The following CPLANE1 variants were observed in gnomAD, a reference collection of about 807,000 sequenced individuals.
CPLANE1 encodes ciliogenesis and planar polarity effector 1.
In CPLANE1, 263 loss-of-function variants were observed where a neutral mutation model predicts 362.5. The observed-to-expected ratio is 0.73, with a 90% CI of 0.66 to 0.80. The LOEUF is 0.80. Among genes scored for constraint, CPLANE1 ranks in the 30% least tolerant of loss-of-function variants. The pLI is 0.00. For missense variants in CPLANE1, 3,461 were observed against 3,793.4 expected, an observed-to-expected ratio of 0.91 and a Z score of 2.30; for synonymous variants, 1,212 against 1,302.6, an observed-to-expected ratio of 0.93 and a Z score of 1.50.
rs1773543333 is a variant in CPLANE1 at position 37,151,463 on chromosome 5, C to T, written c.8373+2277G>A. Among the ~76,000 whole-genome samples the T allele has an allele frequency of 2.0e-5, 3 of 152,276 alleles. No homozygotes were observed. The South Asian group carries it at 6.2e-4, about 32-fold the overall frequency. On this transcript the variant is annotated intron_variant, in intron 42 of 52. Transcript: ENST00000651892. ...ATTTTACACTCCTTGAGAGTAGGTA[C>T]TATGCCTTATTTATCTTTCTATTCC...
At chr5:37,140,617 C>T (rs990941416) in intron 44 of CPLANE1, 9 of 985,114 alleles carry the variant, frequency 9.1e-6, no homozygotes, top group Middle Eastern at 5.2e-4. Flanking sequence ...GGCCTATTCA[C>T]GAAAAAAAGC....
rs776886962 is a variant in CPLANE1 at position 37,224,655 on chromosome 5, G to A, written c.2377C>T (p.Gln793Ter). ...TCATGTGTCATCTTTTCAGTTAACTGACTATCAGCTTCAGGAACTCTTCGA... is the reference window on the plus strand; with the variant it reads ...TCATGTGTCATCTTTTCAGTTAACTAACTATCAGCTTCAGGAACTCTTCGA... ...LNRRVPEADS[Q>*]LTEKMTHEAS... Residue 793 changes from glutamine to a stop codon, truncating the protein, a stop_gained, in exon 13 of 53, where the codon CAG (glutamine) becomes TAG (stop). Coordinates refer to ENST00000651892, the MANE Select transcript of CPLANE1 (RefSeq NM_001384732.1). LOFTEE classifies it high-confidence loss of function. 21 of 1,551,240 alleles carry A rather than the reference G, an allele frequency of 1.4e-5. No homozygotes were observed. Among genetic ancestry groups the A allele is most frequent in the Non-Finnish European group, 1.8e-5 (21 of 1,146,734 alleles).
downstream of CPLANE1, among the ~76,000 whole-genome samples, chr5:37,105,417 G>C (rs1208496999): frequency 6.6e-6 from 1 of 152,140 alleles, no homozygotes; most frequent in Non-Finnish European, 1.5e-5. Flanking sequence ...ACATACAATG[G>C]GGAAAGGATA....
chr5:37,247,778 A>G, intron 1 of CPLANE1, 33 bp from the exon 2 acceptor site: 2 of 1,374,550 alleles, frequency 1.5e-6, no homozygotes, highest in Non-Finnish European at 1.9e-6. Context: ...AATATAAATG[A>G]TGCATAATAT....
chr5:37,192,853 CAAAA>C (rs1167999028), intron 21 of CPLANE1, among the ~76,000 whole-genome samples: 1 of 74,882 alleles, frequency 1.3e-5, no homozygotes, highest in Non-Finnish European at 2.6e-5. Flanking sequence ...TAGACTCCAT[CAAAA>C]AAAAAAAAAA....
In CPLANE1 at chr5:37,106,448, T is replaced by C. The variant is rs957064376; in HGVS notation, c.*1154A>G. ...ATATCAAAATATCACATGCACCCCA[T>C]AAAAATGTACAACTATCATGTATCA... On this transcript the variant is annotated 3_prime_UTR_variant, in exon 53 of 53. Coordinates refer to ENST00000651892, the MANE Select transcript of CPLANE1 (RefSeq NM_001384732.1). 1.6e-5 allele frequency: 5 copies of C among 322,498 alleles called. No homozygotes were observed. In the East Asian group the frequency reaches 5.0e-4, roughly 33 times the overall value. 20.0% of individuals were successfully genotyped at this position (322,498 alleles called of 1,614,324 possible).
intron 46 of CPLANE1, among the ~76,000 whole-genome samples, chr5:37,132,626 G>A (rs989775623): frequency 6.6e-6 from 1 of 152,006 alleles, no homozygotes; most frequent in Admixed American, 6.6e-5. Context: ...GATTACAGGC[G>A]TTGAGCCACC....
chr5:37,210,790 C>A, intron 16 of CPLANE1: 1 of 1,221,106 alleles, frequency 8.2e-7, no homozygotes, highest in Non-Finnish European at 1.2e-6. Flanking sequence ...GCTCAGCTGG[C>A]TCCTGAACTT....
chr5:37,210,786 C>T (rs1792375785), intron 16 of CPLANE1: 2 of 1,254,924 alleles, frequency 1.6e-6, no homozygotes, highest in Admixed American at 1.7e-5. Context: ...CCTAGCTCAG[C>T]TGGCTCCTGA....
At position 37,213,580 on chromosome 5, in the gene CPLANE1, G is replaced by A. The variant is rs1329332026; in HGVS notation, c.2899C>T (p.Pro967Ser). Residue 967 changes from proline to serine, a missense_variant, in exon 16 of 53, where the codon CCC becomes TCC. Physicochemically the swap from Pro to Ser is moderately conservative, Grantham distance 74 (BLOSUM62 -1). Around this residue, in one of 2 missense-constraint regions of CPLANE1, gnomAD observed 3,380 missense variants for 3,666.1 expected, o/e 0.92. Transcript: ENST00000651892. The part of the protein sequence containing the change: ...ILPPHHVNVL[P>S]PLHIKTEQSF... ...TTACCTGTTTTAATATGAAGTGGGG[G>A]AAGAACATTCACATGATGAGGGGGC... The A allele has an allele frequency of 4.5e-6, 7 of 1,543,230 alleles. No homozygotes were observed. The highest frequency in any genetic ancestry group is 2.0e-5 in the Admixed American group (1 of 50,152).
chr5:37,167,580 C>T (rs1415263600), intron 34 of CPLANE1, among the ~76,000 whole-genome samples: 1 of 152,114 alleles, frequency 6.6e-6, no homozygotes, highest in Non-Finnish European at 1.5e-5. Flanking sequence ...AGTTTGAGAC[C>T]AGCCTGACCA....
chr5:37,122,568 A>C, intron 47 of CPLANE1, 80 bp from the exon 48 acceptor site: 2 of 1,009,906 alleles, frequency 2.0e-6, no homozygotes, highest in Admixed American at 4.8e-5. Context: ...GTTATTTAGG[A>C]AACAGTACAA....
rs145333965 is a variant in CPLANE1, at chr5:37,111,370, C to T, written c.9401-2899G>A. Among the ~76,000 whole-genome samples, 330 of 148,386 alleles carry T rather than the reference C, an allele frequency of 2.2e-3. 2 individuals are homozygous for T. Among genetic ancestry groups the T allele is most frequent in the African/African-American group, 8.0e-3 (321 of 40,308 alleles). ...TGATCTCCTGACCTCATGATCCGCC[C>T]GCCTCGGCCTCCCAAAGTGCTGGGA... is the stretch of plus-strand genomic sequence containing the variant. On this transcript the variant is annotated intron_variant, in intron 51 of 52. Coordinates refer to ENST00000651892, the MANE Select transcript of CPLANE1 (RefSeq NM_001384732.1).
Position 37,183,056 on chromosome 5 carries a change from G to T in CPLANE1, c.5125C>A (p.Pro1709Thr), listed in dbSNP as rs1187847396. 6.2e-7 allele frequency: 1 copy of T among 1,613,164 alleles called. No individual in the cohort carries two copies. Among genetic ancestry groups the T allele is most frequent in the Non-Finnish European group, 8.5e-7 (1 of 1,179,864 alleles). ...QRSSNHIFWT[P>T]KSIKTRRCIF... is the part of the protein sequence containing the mutation. ...CATCTTCTAGTTTTAATGGACTTGG[G>T]AGTCCAAAAAATGTGGTTTGATGAT... The change falls in exon 26 of 53, where the codon CCC becomes ACC. Residue 1709 changes from proline (P) to threonine (T), a missense_variant. Transcript: ENST00000651892.
At chr5:37,182,227 A>AAT (rs1168174437) in intron 26 of CPLANE1, among the ~76,000 whole-genome samples, 3 of 152,120 alleles carry the variant, frequency 2.0e-5, no homozygotes, top group African/African-American at 7.2e-5. Context: ...TTCAGCCTAG[A>AAT]ATAAACTACT....
intron 12 of CPLANE1, among the ~76,000 whole-genome samples, chr5:37,225,801 C>T (rs553316484): frequency 1.5e-4 from 21 of 139,264 alleles, no homozygotes; most frequent in Admixed American, 2.4e-4. Context: ...TGCAGTGAGC[C>T]GAGATTGCAT....
intron 38 of CPLANE1, among the ~76,000 whole-genome samples, chr5:37,161,851 A>G (rs1776927540): frequency 1.3e-5 from 2 of 152,272 alleles, no homozygotes; most frequent in South Asian, 4.1e-4. Flanking sequence ...TACAATGATT[A>G]CATTTTTAAA....
At chr5:37,133,497 GGTGT>G (rs70976279) in intron 46 of CPLANE1, among the ~76,000 whole-genome samples, 16 of 148,714 alleles carry the variant, frequency 1.1e-4, no homozygotes, top group East Asian at 7.9e-4. Flanking sequence ...TTTGGTTAGA[GGTGT>G]GTGTGTGTGT....
Position 37,139,337 on chromosome 5 carries a change from T to C in CPLANE1, c.8663+3A>G. ...ATTGTGAATTAACTCTTAAGATATT[T>C]ACCTCTCACACAATTCATCACTGCT... On this transcript the variant is annotated splice_donor_region_variant and intron_variant, in intron 45 of 52. Transcript: ENST00000651892. The C allele has an allele frequency of 7.7e-7, 1 of 1,305,474 alleles. No homozygotes were observed. The highest frequency in any genetic ancestry group is 1.1e-6 in the Non-Finnish European group (1 of 949,124). The allele number at this position is 1,305,474 out of a possible 1,614,324, so 80.9% of individuals were successfully genotyped here.
Sources: gnomAD v4.1 joint callset for allele counts (sites outside exome capture counted in the v4.1 genomes callset) on GRCh38, gnomAD v4.1.1 for gene constraint, gnomAD v4.1.1 regional missense constraint, MANE v1.5 for transcripts, NCBI Gene and HGNC (gene_info 2026-07-23, HGNC 2026-07-21) for gene names.